FBLN2: variants seen among roughly 807,000 people sequenced by gnomAD.
FBLN2 encodes the protein fibulin-2.
Under a neutral mutation model 123.7 loss-of-function variants are expected in FBLN2, and 81 were observed. That is an observed-to-expected ratio of 0.65 (90% CI 0.55 to 0.79). FBLN2 has a LOEUF of 0.79. Among genes scored for constraint, FBLN2 ranks in the 30% least tolerant of loss-of-function variants. FBLN2 has a pLI of 0.00. For missense variants in FBLN2, 1,603 were observed against 1,681.3 expected, an observed-to-expected ratio of 0.95 and a Z score of 0.81; for synonymous variants, 699 against 701.4, an observed-to-expected ratio of 1.00 and a Z score of 0.05.
chr3:13,623,876 T>C lies in FBLN2; in HGVS notation c.2296+1961T>C, dbSNP rs114344729. Among the ~76,000 whole-genome samples the C allele has an allele frequency of 3.8e-3, 583 of 152,362 alleles. 2 individuals are homozygous for C. The highest frequency in any genetic ancestry group is 0.013 in the African/African-American group (554 of 41,584). The stretch of plus-strand genomic sequence containing the variant: ...TGCTACTCTTGTGACATCATTGTTA[T>C]GATTCAACCAATGTTTCACTGAGGC... On this transcript the variant is annotated intron_variant, in intron 9 of 17. Coordinates refer to ENST00000404922, the MANE Select transcript of FBLN2 (RefSeq NM_001004019.2).
chr3:13,632,548 G>A (rs965778525), intron 16 of FBLN2, among the ~76,000 whole-genome samples: 3 of 152,236 alleles, frequency 2.0e-5, no homozygotes, highest in African/African-American at 7.2e-5. Context: ...TCAGCCAGCT[G>A]CCTGTGTTCT....
chr3:13,574,539 G>T (rs1704070891), intron 2 of FBLN2, among the ~76,000 whole-genome samples: 1 of 152,178 alleles, frequency 6.6e-6, no homozygotes, highest in Admixed American at 6.5e-5. Flanking sequence ...GCCTGGCCGA[G>T]GCAGTCTGGA....
chr3:13,612,344 C>A (rs868511824), intron 4 of FBLN2, among the ~76,000 whole-genome samples: 2 of 83,968 alleles, frequency 2.4e-5, no homozygotes, highest in African/African-American at 4.7e-5. Flanking sequence ...TCTTTCTTTT[C>A]TTTCTTTTTC....
chr3:13,549,579 C>T (rs1574935699), intron 1 of FBLN2, among the ~76,000 whole-genome samples: 1 of 150,900 alleles, frequency 6.6e-6, no homozygotes, highest in Admixed American at 6.6e-5. Flanking sequence ...TGCCCACCCC[C>T]ACCCCGACCG....
rs150370011 is a variant in FBLN2, at chr3:13,629,165, C to G, written c.2715C>G (p.Asp905Glu). The G allele has an allele frequency of 1.9e-6, 3 of 1,613,054 alleles. No homozygotes were observed. Among genetic ancestry groups the G allele is most frequent in the Middle Eastern group, 3.3e-4 (2 of 6,048 alleles). ...AGGTACCCTGCTCACCCCCCACAGA[C>G]GTGAATGAGTGTGAGACAGGTGTGC... ...HASDDGTKCV[D>E]VNECETGVHR... The change falls in exon 13 of 18, where the codon GAC (aspartate) becomes GAG (glutamate). Residue 905 changes from aspartate to glutamate, a missense_variant and splice_region_variant. Physicochemically the swap from Asp to Glu is conservative, Grantham distance 45. Transcript: ENST00000404922.
In FBLN2 at chr3:13,618,991, C is replaced by G. The variant is rs1486465777; in HGVS notation, c.2027C>G (p.Pro676Arg). 1 of 1,612,384 alleles carries G rather than the reference C, an allele frequency of 6.2e-7. No individual in the cohort carries two copies. Among genetic ancestry groups the G allele is most frequent in the African/African-American group, 1.3e-5 (1 of 74,940 alleles). The change falls in exon 7 of 18, where the codon CCA becomes CGA. Residue 676 changes from proline to arginine, a missense_variant. Pro to Arg is a moderately radical substitution (Grantham distance 103). Coordinates refer to ENST00000404922, the MANE Select transcript of FBLN2 (RefSeq NM_001004019.2). ...GTGGCCTCTAACACCATCCCGCTGC[C>G]ACTGCCGCAGCCCAATACCTGCAAA... is the stretch of plus-strand genomic sequence containing the variant. The part of the protein sequence containing the change: ...SQVASNTIPL[P>R]LPQPNTCKDN...
At position 13,621,947 on chromosome 3, in the gene FBLN2, C is replaced by T. The variant is rs1406476852; in HGVS notation, c.2296+32C>T. The T allele has an allele frequency of 5.6e-6, 9 of 1,602,752 alleles. 1 individual carries two copies. In the Admixed American group the frequency reaches 1.5e-4, roughly 27 times the overall value. On this transcript the variant is annotated intron_variant, in intron 9 of 17. Coordinates refer to ENST00000404922, the MANE Select transcript of FBLN2 (RefSeq NM_001004019.2). ...CAGGGCCCCGCCTGCCGCCCGCCGT[C>T]ACAGCTCTCCGCTCTGCTCCACGCC...
chr3:13,629,317 C>T (rs751273750), intron 13 of FBLN2, 25 bp downstream of exon 13: 2 of 1,590,224 alleles, frequency 1.3e-6, no homozygotes, highest in Non-Finnish European at 1.7e-6. Flanking sequence ...GGCCAGGACC[C>T]CTGGGGAACA....
chr3:13,549,318 G>A, intron 1 of FBLN2, 110 bp downstream of exon 1: 1 of 720,794 alleles, frequency 1.4e-6, no homozygotes, highest in Non-Finnish European at 1.7e-6. Context: ...ACCCTCGGAC[G>A]CGCCTCGCGG....
In FBLN2 at chr3:13,571,026, G is replaced by A; in HGVS notation, c.671G>A (p.Gly224Asp). ...GTCCAGGCGGGTGCAGTCCAGGCAGGCGCAGGGGGCCCCCCAGCTGCTCTG... is the reference window on the plus strand; with the variant it reads ...GTCCAGGCGGGTGCAGTCCAGGCAGACGCAGGGGGCCCCCCAGCTGCTCTG... ...GEVQAGAVQA[G>D]AGGPPAALGG... The change falls in exon 2 of 18, where the codon GGC becomes GAC. Residue 224 changes from glycine to aspartate, a missense_variant. By Grantham distance (94) the Gly-to-Asp change is moderately conservative (BLOSUM62 -1). Coordinates refer to ENST00000404922, the MANE Select transcript of FBLN2 (RefSeq NM_001004019.2). 1 of 1,579,882 alleles carries A rather than the reference G, an allele frequency of 6.3e-7. No individual in the cohort carries two copies. Among genetic ancestry groups the A allele is most frequent in the Non-Finnish European group, 8.6e-7 (1 of 1,163,720 alleles).
At chr3:13,553,985 C>T (rs1280680365) in intron 1 of FBLN2, among the ~76,000 whole-genome samples, 1 of 152,252 alleles carries the variant, frequency 6.6e-6, no homozygotes, top group East Asian at 1.9e-4. Flanking sequence ...GTGATGAGGC[C>T]CAGCTGGGCG....
chr3:13,619,074 G>T, intron 7 of FBLN2, 57 bp downstream of exon 7: 1 of 1,367,528 alleles, frequency 7.3e-7, no homozygotes, highest in East Asian at 2.5e-5. Context: ...GGGTGGGTCT[G>T]GGCTGCTTGC....
chr3:13,576,646 G>A (rs886694882), intron 2 of FBLN2, among the ~76,000 whole-genome samples: 2 of 152,072 alleles, frequency 1.3e-5, no homozygotes, highest in African/African-American at 4.8e-5. Flanking sequence ...AGAGGGGAGA[G>A]AGGTCGGAAT....
chr3:13,619,041 C>T (rs374431358), intron 7 of FBLN2, 24 bp downstream of exon 7: 10 of 1,566,726 alleles, frequency 6.4e-6, no homozygotes, highest in Non-Finnish European at 7.0e-6. Context: ...GTGGTGTCTC[C>T]AGGACAGGGC....
At position 13,570,322 on chromosome 3, in the gene FBLN2, C is replaced by G; in HGVS notation, c.-34C>G. Reference sequence around the variant, plus strand: ...CCTTTCTGATTCCCCCAGGGTCTTACAGGAGAGGGGACCGTCCTGGGCTGG... The same window carrying G: ...CCTTTCTGATTCCCCCAGGGTCTTAGAGGAGAGGGGACCGTCCTGGGCTGG... On this transcript the variant is annotated 5_prime_UTR_variant, in exon 2 of 18. Transcript: ENST00000404922. 1.3e-6 allele frequency: 2 copies of G among 1,489,858 alleles called. No individual in the cohort carries two copies. Among genetic ancestry groups the G allele is most frequent in the Non-Finnish European group, 1.8e-6 (2 of 1,115,926 alleles). 92.3% of individuals were successfully genotyped at this position (1,489,858 alleles called of 1,614,324 possible). A position where few individuals can be genotyped will look rare whatever the true frequency, so the allele number is the denominator to read the frequency against.
chr3:13,574,825 TC>T (rs1559404717), intron 2 of FBLN2, among the ~76,000 whole-genome samples: 1 of 151,672 alleles, frequency 6.6e-6, no homozygotes, highest in Admixed American at 6.6e-5. Flanking sequence ...AAACCCCACT[TC>T]CCCCAAGAGG....
At chr3:13,614,973 T>TATTCATCC in intron 5 of FBLN2, among the ~76,000 whole-genome samples, 1 of 143,332 alleles carries the variant, frequency 7.0e-6, no homozygotes, top group Non-Finnish European at 1.5e-5. Flanking sequence ...TCCATCTGCT[T>TATTCATCC]ATCCATCCAT....
chr3:13,555,427 G>GT (rs371110780), intron 1 of FBLN2, among the ~76,000 whole-genome samples: 66 of 148,460 alleles, frequency 4.4e-4, no homozygotes, highest in African/African-American at 7.9e-4. Context: ...AGTGTTCCCT[G>GT]TTTTTTTTTT....
intron 4 of FBLN2, 42 bp downstream of exon 4, chr3:13,609,684 C>CTTTGTGGTGGGGGGGGGGGGGGG: frequency 5.1e-6 from 1 of 196,566 alleles, no homozygotes; most frequent in African/African-American, 4.2e-5. Context: ...TGGGGTGGGG[C>CTTTGTGGTGGGGGGGGGGGGGGG]GGGGCGGGAG....
Sources: gnomAD v4.1 joint callset for allele counts (sites outside exome capture counted in the v4.1 genomes callset) on GRCh38, gnomAD v4.1.1 for gene constraint, MANE v1.5 for transcripts, NCBI Gene and HGNC (gene_info 2026-07-23, HGNC 2026-07-21) for gene names.